The following PCDHGA1 variants were observed in gnomAD, a reference collection of about 807,000 sequenced individuals.
The protein encoded by PCDHGA1 is protocadherin gamma subfamily A, 1.
A neutral mutation model predicts 58.0 loss-of-function variants in PCDHGA1; 32 were observed. The observed-to-expected ratio is 0.55, with a 90% confidence interval of 0.42 to 0.74. The LOEUF (loss-of-function observed/expected upper bound fraction) is 0.74. PCDHGA1 is among the 30% of genes least tolerant of loss of function. The pLI is 0.00. For synonymous variants in PCDHGA1, 498 were observed against 501.1 expected (o/e 0.99, Z 0.08); for missense variants, 1,205 against 1,182.3 (o/e 1.02, Z -0.28).
At chr5:141,340,812 C>T (rs144923915) in intron 1 of PCDHGA1, 1 of 1,613,626 alleles carries the variant, frequency 6.2e-7, no homozygotes, top group East Asian at 2.2e-5. Flanking sequence ...GCCAGCGAGC[C>T]GGGACTCTTC....
Position 141,375,486 on chromosome 5 carries a change from G to A in PCDHGA1, c.2421+42381G>A, listed in dbSNP as rs1193457334. Reference sequence around the variant, plus strand: ...TATGTCCTTGAAAACAACCCCAGGGGTGCCTCCATCTTCTCTGTGAATGCA... The same window carrying A: ...TATGTCCTTGAAAACAACCCCAGGGATGCCTCCATCTTCTCTGTGAATGCA... On this transcript the variant is annotated intron_variant, in intron 1 of 3. Transcript: ENST00000517417. 9.3e-6 allele frequency: 15 copies of A among 1,613,796 alleles called. No individual in the cohort carries two copies. The Admixed American group carries it at 1.7e-4, about 18-fold the overall frequency.
chr5:141,419,701 C>T (rs1268060859), intron 1 of PCDHGA1: 7 of 1,612,860 alleles, frequency 4.3e-6, no homozygotes, highest in Non-Finnish European at 5.9e-6. Flanking sequence ...CCAGTGAGCC[C>T]GGGCTCTTCA....
intron 1 of PCDHGA1, chr5:141,350,091 G>A: frequency 2.2e-6 from 1 of 457,656 alleles, no homozygotes; most frequent in East Asian, 3.4e-5. Flanking sequence ...AGGAGCGTCA[G>A]GCAGGGTGCC....
chr5:141,444,082 A>G (rs942113441), intron 1 of PCDHGA1, among the ~76,000 whole-genome samples: 2 of 151,044 alleles, frequency 1.3e-5, no homozygotes, highest in African/African-American at 2.4e-5. Flanking sequence ...TCACCTGAAA[A>G]GTCTGCTAAG....
At position 141,476,513 on chromosome 5, in the gene PCDHGA1, C is replaced by T; in HGVS notation, c.2422-18294C>T. 1 of 1,614,196 alleles carries T rather than the reference C, an allele frequency of 6.2e-7. No individual in the cohort carries two copies. Among genetic ancestry groups the T allele is most frequent in the Non-Finnish European group, 8.5e-7 (1 of 1,180,034 alleles). On this transcript the variant is annotated intron_variant, in intron 1 of 3. Coordinates refer to ENST00000517417, the MANE Select transcript of PCDHGA1 (RefSeq NM_018912.3). The surrounding 1 kb of genome is among the most constrained non-coding windows in gnomAD (Gnocchi z 7.6). ...GATCCAGGACATCAACGACAACAAT[C>T]CTGCTTTCCCTACCCAGGAAATGAA...
intron 1 of PCDHGA1, chr5:141,366,464 C>T (rs770814147): frequency 6.2e-7 from 1 of 1,614,226 alleles, no homozygotes; most frequent in Non-Finnish European, 8.5e-7. Flanking sequence ...CATCGTGCTG[C>T]TGGTGCTCAG....
At chr5:141,430,680 C>T (rs990086941) in intron 1 of PCDHGA1, 1 of 1,343,242 alleles carries the variant, frequency 7.4e-7, no homozygotes, top group Non-Finnish European at 1.0e-6. Flanking sequence ...TCCCAACTGT[C>T]CCATTCTATG....
intron 1 of PCDHGA1, chr5:141,419,669 C>T: frequency 6.2e-7 from 1 of 1,612,840 alleles, no homozygotes; most frequent in Non-Finnish European, 8.5e-7. Context: ...CAATGCCTGG[C>T]TGTCCTACCA....
At chr5:141,360,672 T>G (rs1209548747) in intron 1 of PCDHGA1, 1 of 1,614,002 alleles carries the variant, frequency 6.2e-7, no homozygotes, top group East Asian at 2.2e-5. Flanking sequence ...AGTACTTTGA[T>G]CTCGCTGAGA....
intron 1 of PCDHGA1, chr5:141,371,686 C>G: frequency 6.2e-7 from 1 of 1,614,028 alleles, no homozygotes; most frequent in East Asian, 2.2e-5. Context: ...GGCAATCCAC[C>G]GCTCTCCTCC....
chr5:141,360,208 T>C (rs780604415), intron 1 of PCDHGA1: 9 of 1,613,072 alleles, frequency 5.6e-6, no homozygotes, highest in Non-Finnish European at 7.6e-6. Flanking sequence ...GTTGTCTTTG[T>C]TCCCCGGGGC....
intron 1 of PCDHGA1, among the ~76,000 whole-genome samples, chr5:141,468,246 A>G (rs2099161183): frequency 6.7e-6 from 1 of 149,754 alleles, no homozygotes; most frequent in South Asian, 2.1e-4. Context: ...AATTGCCTGA[A>G]CCTGGGAGGC....
intron 1 of PCDHGA1, chr5:141,395,397 A>C: frequency 1.1e-6 from 1 of 895,314 alleles, no homozygotes; most frequent in Non-Finnish European, 1.6e-6. Flanking sequence ...TTGAACTCTA[A>C]TAGTCATAGG....
At chr5:141,398,908 G>C (rs2093725359) in intron 1 of PCDHGA1, 1 of 1,613,860 alleles carries the variant, frequency 6.2e-7, no homozygotes, top group South Asian at 1.1e-5. Flanking sequence ...AGGCACCACT[G>C]TGTTGCAAGT....
chr5:141,417,874 C>A (rs768197455), intron 1 of PCDHGA1: 2 of 1,555,202 alleles, frequency 1.3e-6, no homozygotes, highest in African/African-American at 2.7e-5. Context: ...GAGGGAGCTG[C>A]GCGCAGAGGC....
chr5:141,431,830 C>G lies in PCDHGA1; in HGVS notation c.2422-62977C>G, dbSNP rs1354008481. 1 of 1,614,078 alleles carries G rather than the reference C, an allele frequency of 6.2e-7. No homozygotes were observed. The highest frequency in any genetic ancestry group is 8.5e-7 in the Non-Finnish European group (1 of 1,180,034). The stretch of plus-strand genomic sequence containing the variant: ...TCACCTCTCTCGCCAGCTCGGTTCC[C>G]GAAAACTCTCCCAGAGGGACATTAA... On this transcript the variant is annotated intron_variant, in intron 1 of 3. Coordinates refer to ENST00000517417, the MANE Select transcript of PCDHGA1 (RefSeq NM_018912.3). This position sits in a 1 kb window ranked among gnomAD's most constrained non-coding sequence, Gnocchi z 4.8.
chr5:141,384,370 T>G (rs769961814), intron 1 of PCDHGA1: 1 of 1,613,926 alleles, frequency 6.2e-7, no homozygotes, highest in South Asian at 1.1e-5. Context: ...CACTTATTCC[T>G]TGGCCGAAGA....
chr5:141,478,736 T>C (rs2099474016), intron 1 of PCDHGA1: 1 of 1,534,678 alleles, frequency 6.5e-7, no homozygotes, highest in African/African-American at 1.4e-5. Flanking sequence ...GTGTGGTTTG[T>C]GGTCCCATTT....
intron 1 of PCDHGA1, among the ~76,000 whole-genome samples, chr5:141,402,429 T>C (rs2094263946): frequency 6.6e-6 from 1 of 151,986 alleles, no homozygotes; most frequent in Admixed American, 6.6e-5. Flanking sequence ...AATTGAAGCA[T>C]CATAAAAAGG....
Sources: gnomAD v4.1 joint callset for allele counts (sites outside exome capture counted in the v4.1 genomes callset) on GRCh38, gnomAD v4.1.1 for gene constraint, Gnocchi (gnomAD v3.1) non-coding constraint, MANE v1.5 for transcripts, NCBI Gene and HGNC (gene_info 2026-07-23, HGNC 2026-07-21) for gene names.